The following KCNQ5 variants were observed in gnomAD, a reference collection of about 807,000 sequenced individuals.
The protein encoded by KCNQ5 is potassium voltage-gated channel subfamily Q member 5, also known as potassium voltage-gated channel subfamily KQT member 5.
KCNQ5 carries 30 observed loss-of-function variants against 98.2 expected under a neutral mutation model. The ratio of observed to expected loss-of-function variants is 0.31; its 90% CI spans 0.23 to 0.41. The LOEUF (loss-of-function observed/expected upper bound fraction) is 0.41, where lower values mean the gene tolerates loss of function less well. KCNQ5 is among the 10% of genes least tolerant of loss of function. The pLI is 1.00. For missense variants in KCNQ5, 835 were observed against 1,182.5 expected (o/e 0.71, Z 4.31); for synonymous variants, 458 against 449.4 (o/e 1.02, Z -0.24).
At chr6:72,661,917 G>C (rs1361115641) in intron 1 of KCNQ5, among the ~76,000 whole-genome samples, 6 of 151,976 alleles carry the variant, frequency 3.9e-5, no homozygotes, top group Admixed American at 3.3e-4. Context: ...ATTTATTTAT[G>C]TTTAGCCATC....
At chr6:73,037,270 C>G (rs541529238) in intron 2 of KCNQ5, among the ~76,000 whole-genome samples, 10 of 152,034 alleles carry the variant, frequency 6.6e-5, no homozygotes, top group Non-Finnish European at 1.3e-4. Flanking sequence ...GATATTAGTC[C>G]TTTGTCAGAT....
At chr6:73,112,730 T>G (rs9446844) in intron 7 of KCNQ5, among the ~76,000 whole-genome samples, 113,609 of 152,112 alleles carry the variant, frequency 0.75, 46,597 homozygotes, top group South Asian at 0.94. Flanking sequence ...CTTTAGTGTT[T>G]ATCTGTGACT....
At chr6:72,808,762 C>T (rs944661775) in intron 1 of KCNQ5, among the ~76,000 whole-genome samples, 15 of 151,934 alleles carry the variant, frequency 9.9e-5, no homozygotes, top group African/African-American at 3.1e-4. Flanking sequence ...GTCTGACCAA[C>T]ATAGTGAAAC....
At chr6:72,790,752 T>G (rs190055362) in intron 1 of KCNQ5, among the ~76,000 whole-genome samples, 3 of 152,140 alleles carry the variant, frequency 2.0e-5, no homozygotes, top group East Asian at 3.9e-4. Flanking sequence ...CTTGGATAAA[T>G]GTTTCTATTA....
At chr6:73,106,941 T>C (rs1327616194) in intron 6 of KCNQ5, among the ~76,000 whole-genome samples, 1 of 144,786 alleles carries the variant, frequency 6.9e-6, no homozygotes, top group Non-Finnish European at 1.5e-5. Context: ...ACATGTTTCC[T>C]GGAACAAAAT....
intron 1 of KCNQ5, among the ~76,000 whole-genome samples, chr6:72,881,415 T>C (rs1047424532): frequency 3.3e-5 from 5 of 152,214 alleles, no homozygotes; most frequent in African/African-American, 1.2e-4. Context: ...TCTCTGATTA[T>C]TTTCTCTGGA....
chr6:72,965,727 G>A (rs1767573172), intron 1 of KCNQ5, among the ~76,000 whole-genome samples: 1 of 152,094 alleles, frequency 6.6e-6, no homozygotes. Context: ...TTGCTATTAA[G>A]GTTTATCTTA....
chr6:72,871,299 G>A (rs964226099), intron 1 of KCNQ5, among the ~76,000 whole-genome samples: 1 of 152,136 alleles, frequency 6.6e-6, no homozygotes, highest in Admixed American at 6.6e-5. Flanking sequence ...GGTTCACCAT[G>A]TGACATATTC....
At chr6:73,010,640 T>TA (rs61014549) in intron 2 of KCNQ5, among the ~76,000 whole-genome samples, 8,531 of 135,888 alleles carry the variant, frequency 0.063, 813 homozygotes, top group African/African-American at 0.21. Flanking sequence ...CCTGAAGATT[T>TA]AAAAAAAAAA....
intron 1 of KCNQ5, among the ~76,000 whole-genome samples, chr6:72,811,684 C>T (rs1775247722): frequency 6.6e-6 from 1 of 152,108 alleles, no homozygotes; most frequent in South Asian, 2.1e-4. Context: ...GATTAAGAGC[C>T]TGTGGAGGCC....
rs565669783 is a variant in KCNQ5 at position 72,824,789 on chromosome 6, G to C, written c.399-179119G>C. Among the ~76,000 whole-genome samples the C allele has an allele frequency of 5.1e-4, 77 of 150,634 alleles. 1 individual carries two copies. Among genetic ancestry groups the C allele is most frequent in the South Asian group, 4.4e-3 (21 of 4,770 alleles). ...TCTCTCTTTCTTTCTCTGTCTCTGT[G>C]TGTGTGTGTGTGTGTGTCTCTCTCT... On this transcript the variant is annotated intron_variant, in intron 1 of 13. Coordinates refer to ENST00000370398, the MANE Select transcript of KCNQ5 (RefSeq NM_019842.4).
chr6:72,649,153 G>A (rs1765751210), intron 1 of KCNQ5, among the ~76,000 whole-genome samples: 1 of 152,114 alleles, frequency 6.6e-6, no homozygotes, highest in African/African-American at 2.4e-5. Context: ...GCAGTAGAGG[G>A]CTTCTAAGAA....
chr6:72,789,958 T>G (rs1773947485), intron 1 of KCNQ5, among the ~76,000 whole-genome samples: 1 of 152,168 alleles, frequency 6.6e-6, no homozygotes, highest in African/African-American at 2.4e-5. Flanking sequence ...TTAACTTGGA[T>G]GGGGCCCAGT....
intron 1 of KCNQ5, among the ~76,000 whole-genome samples, chr6:72,745,698 G>T (rs552210712): frequency 1.3e-5 from 2 of 152,094 alleles, no homozygotes; most frequent in African/African-American, 4.8e-5. Flanking sequence ...TTTGGATGCC[G>T]TATCAAATTA....
Position 73,104,715 on chromosome 6 carries a change from T to C in KCNQ5, c.919-542T>C, listed in dbSNP as rs528675897. 3.3e-5 allele frequency among the ~76,000 whole-genome samples: 5 copies of C among 152,322 alleles called. No homozygotes were observed. In the East Asian group the frequency reaches 9.7e-4, roughly 29 times the overall value. ...TTGAATTCCCATAGCAGGTTATTTG[T>C]ACCTCCATTATAATACCTCTCTCAT... On this transcript the variant is annotated intron_variant, in intron 5 of 13. Coordinates refer to ENST00000370398, the MANE Select transcript of KCNQ5 (RefSeq NM_019842.4).
chr6:72,911,491 G>T (rs922862748), intron 1 of KCNQ5, among the ~76,000 whole-genome samples: 2 of 152,088 alleles, frequency 1.3e-5, no homozygotes, highest in Non-Finnish European at 2.9e-5. Flanking sequence ...TCCATCATTT[G>T]CAAGCCACCA....
chr6:72,627,590 A>C lies in KCNQ5; in HGVS notation c.398+5003A>C, dbSNP rs117914361. Among the ~76,000 whole-genome samples the C allele has an allele frequency of 9.2e-3, 1,401 of 152,316 alleles. 12 individuals are homozygous for C. The highest frequency in any genetic ancestry group is 0.02 in the East Asian group (104 of 5,184). On this transcript the variant is annotated intron_variant, in intron 1 of 13. Transcript: ENST00000370398. The stretch of plus-strand genomic sequence containing the variant: ...GCTGCAGCTTCAGTGGAGTGCTAAG[A>C]GTCATAAATATGATTCAAGTGGACT...
At chr6:73,171,481 G>T (rs1221158747) in intron 11 of KCNQ5, among the ~76,000 whole-genome samples, 1 of 152,214 alleles carries the variant, frequency 6.6e-6, no homozygotes, top group Non-Finnish European at 1.5e-5. Context: ...GAAGCCTTCA[G>T]TTAAAGGGAT....
At chr6:72,864,625 G>A (rs150094112) in intron 1 of KCNQ5, among the ~76,000 whole-genome samples, 12 of 152,158 alleles carry the variant, frequency 7.9e-5, no homozygotes, top group African/African-American at 2.6e-4. Context: ...AGAATTATTT[G>A]GAGATGCTAG....
Sources: allele counts gnomAD v4.1 joint callset (sites outside exome capture counted in the v4.1 genomes callset), GRCh38; gene constraint gnomAD v4.1.1; transcripts MANE v1.5; gene names NCBI Gene and HGNC (gene_info 2026-07-23, HGNC 2026-07-21).